Variants in WDTC1 observed in about 807,000 individuals in gnomAD.
WDTC1 encodes the protein WD and tetratricopeptide repeats 1, also known as WD and tetratricopeptide repeats protein 1.
WDTC1 carries 12 observed loss-of-function variants against 76.0 expected under a neutral mutation model. The observed-to-expected ratio is 0.16, with a 90% CI of 0.10 to 0.26. The LOEUF (loss-of-function observed/expected upper bound fraction) is 0.26. Among genes scored for constraint, WDTC1 ranks in the 10% least tolerant of loss-of-function variants. WDTC1 has a pLI of 1.00. For missense variants in WDTC1, 511 were observed against 908.8 expected (o/e 0.56, Z 5.63); for synonymous variants, 326 against 350.8 (o/e 0.93, Z 0.79).
chr1:27,274,405 G>C lies in WDTC1; in HGVS notation c.133-7834G>C, dbSNP rs2012963970. Among the ~76,000 whole-genome samples, 1 of 150,316 alleles carries C rather than the reference G, an allele frequency of 6.7e-6. No homozygotes were observed. Among genetic ancestry groups the C allele is most frequent in the Non-Finnish European group, 1.5e-5 (1 of 67,482 alleles). On this transcript the variant is annotated intron_variant, in intron 3 of 15. Coordinates refer to ENST00000319394, the MANE Select transcript of WDTC1 (RefSeq NM_001276252.2). This position sits in a 1 kb window ranked among gnomAD's most constrained non-coding sequence, Gnocchi z 4.2. ...ACTTTGGCAGTCAGGAGAATCATTT[G>C]AGGCCAGGAGTTTGAGACCAGCCTG... is the stretch of plus-strand genomic sequence containing the variant.
rs1207228456 is a variant in WDTC1, at chr1:27,283,353, T to G, written c.195T>G (p.Gly65=). Reference sequence around the variant, plus strand: ...CTGCTTTCAGCTTGCTGGCCTCTGGTTCCGATGACCAGCACACGATTGTGT... The same window carrying G: ...CTGCTTTCAGCTTGCTGGCCTCTGGGTCCGATGACCAGCACACGATTGTGT... ...WNEKGDLLAS[G]SDDQHTIVWD... Residue 65 remains glycine (G), a synonymous_variant, in exon 5 of 16, where the codon GGT becomes GGG. Transcript: ENST00000319394. 1 of 1,613,660 alleles carries G rather than the reference T, an allele frequency of 6.2e-7. No individual in the cohort carries two copies. Among genetic ancestry groups the G allele is most frequent in the Non-Finnish European group, 8.5e-7 (1 of 1,180,012 alleles).
chr1:27,268,636 C>G (rs908471905), intron 3 of WDTC1, among the ~76,000 whole-genome samples: 2 of 151,894 alleles, frequency 1.3e-5, no homozygotes, highest in African/African-American at 4.8e-5. Context: ...TCAGGCTGGT[C>G]TCGATCTCCT....
Position 27,301,556 on chromosome 1 carries a change from C to T in WDTC1, c.1468+95C>T, listed in dbSNP as rs975787815. On this transcript the variant is annotated intron_variant, in intron 13 of 15. Coordinates refer to ENST00000319394, the MANE Select transcript of WDTC1 (RefSeq NM_001276252.2). This position sits in a 1 kb window ranked among gnomAD's most constrained non-coding sequence, Gnocchi z 5.8. ...GTCATGGTTCTGGGATTGGAGAGGC[C>T]TGGGTTCAGATGTTGATTCAGAAAC... 7.2e-7 allele frequency: 1 copy of T among 1,390,340 alleles called. No homozygotes were observed. The highest frequency in any genetic ancestry group is 9.9e-7 in the Non-Finnish European group (1 of 1,014,314). 86.1% of individuals were successfully genotyped at this position (1,390,340 alleles called of 1,614,324 possible).
intron 1 of WDTC1, among the ~76,000 whole-genome samples, chr1:27,251,323 C>T (rs1179524721): frequency 6.6e-6 from 1 of 151,930 alleles, no homozygotes; most frequent in African/African-American, 2.4e-5. Context: ...CATTTTAGAG[C>T]TCCAGGAATA....
chr1:27,278,787 G>A (rs1170703281), intron 3 of WDTC1, among the ~76,000 whole-genome samples: 3 of 152,140 alleles, frequency 2.0e-5, no homozygotes, highest in Non-Finnish European at 4.4e-5. Context: ...TCCTCAGAGC[G>A]GCTTTCCCTG....
At chr1:27,255,279 G>C (rs191836998) in intron 1 of WDTC1, among the ~76,000 whole-genome samples, 460 of 152,168 alleles carry the variant, frequency 3.0e-3, no homozygotes, top group African/African-American at 0.011. Flanking sequence ...TGCTACTCTA[G>C]GAAATTACAT....
Position 27,305,478 on chromosome 1 carries a change from T to C in WDTC1, c.1836+285T>C, listed in dbSNP as rs902034302. Among the ~76,000 whole-genome samples, 5 of 152,212 alleles carry C rather than the reference T, an allele frequency of 3.3e-5. No individual in the cohort carries two copies. The highest frequency in any genetic ancestry group is 1.2e-4 in the African/African-American group (5 of 41,446). Reference sequence around the variant, plus strand: ...TCTCCTCACTCGCTGCCTGAGAGACTTCACCATCTCTGACCCAGGCTTTTA... The same window carrying C: ...TCTCCTCACTCGCTGCCTGAGAGACCTCACCATCTCTGACCCAGGCTTTTA... On this transcript the variant is annotated intron_variant, in intron 15 of 15. Coordinates refer to ENST00000319394, the MANE Select transcript of WDTC1 (RefSeq NM_001276252.2). This position sits in a 1 kb window ranked among gnomAD's most constrained non-coding sequence, Gnocchi z 4.6.
chr1:27,257,011 T>G (rs2012304725), intron 1 of WDTC1, among the ~76,000 whole-genome samples: 1 of 151,950 alleles, frequency 6.6e-6, no homozygotes, highest in Non-Finnish European at 1.5e-5. Flanking sequence ...TACAGGCGCC[T>G]GCCACCACGC....
intron 6 of WDTC1, among the ~76,000 whole-genome samples, chr1:27,291,383 A>G (rs1322460864): frequency 1.3e-5 from 2 of 152,226 alleles, no homozygotes; most frequent in Non-Finnish European, 2.9e-5. Context: ...TTTTTTGAGC[A>G]GGAGAGTGAT....
rs778371995 is a variant in WDTC1, at chr1:27,263,156, G to A, written c.53G>A (p.Arg18Gln). The change falls in exon 3 of 16, where the codon CGG becomes CAG. Residue 18 changes from arginine (R) to glutamine (Q), a missense_variant. Arg to Gln is a conservative substitution (Grantham distance 43). Transcript: ENST00000319394. ...GAATTTGTTTCTGTCCCCTAGGAGC[G>A]GGGTGCCCTGAGCTTTGAGCGGCGC... The part of the protein sequence containing the change: ...RDLIRRQIKE[R>Q]GALSFERRYH... 18 of 1,612,860 alleles carry A rather than the reference G, an allele frequency of 1.1e-5. No homozygotes were observed. Among genetic ancestry groups the A allele is most frequent in the Middle Eastern group, 1.7e-4 (1 of 5,970 alleles).
At chr1:27,269,623 T>G (rs1292068167) in intron 3 of WDTC1, among the ~76,000 whole-genome samples, 12 of 144,838 alleles carry the variant, frequency 8.3e-5, no homozygotes, top group Non-Finnish European at 1.2e-4. Flanking sequence ...TTTTTTCGGT[T>G]TTTTTTTTTT....
At chr1:27,282,183 T>C in intron 3 of WDTC1, 56 bp from the exon 4 acceptor site, 1 of 1,560,624 alleles carries the variant, frequency 6.4e-7, no homozygotes, top group Middle Eastern at 1.7e-4. Context: ...TGGTGTTGAG[T>C]TCCCCAGGAG....
At chr1:27,284,564 G>A (rs1188441582) in intron 5 of WDTC1, among the ~76,000 whole-genome samples, 1 of 152,094 alleles carries the variant, frequency 6.6e-6, no homozygotes, top group Non-Finnish European at 1.5e-5. Flanking sequence ...AACGGAAACT[G>A]CTTTCTTCCC....
rs747449413 is a variant in WDTC1, at chr1:27,306,397, G to A, written c.*14G>A. On this transcript the variant is annotated 3_prime_UTR_variant, in exon 16 of 16. Coordinates refer to ENST00000319394, the MANE Select transcript of WDTC1 (RefSeq NM_001276252.2). This position sits in a 1 kb window ranked among gnomAD's most constrained non-coding sequence, Gnocchi z 5.0. ...CGGCCCAGCTAGACCCTCCAGCCCT[G>A]GTCCCCAGCCCCTGCTACTGGCTGG... The A allele has an allele frequency of 1.2e-5, 19 of 1,607,400 alleles. No individual in the cohort carries two copies. Among genetic ancestry groups the A allele is most frequent in the Non-Finnish European group, 1.5e-5 (18 of 1,178,518 alleles).
intron 3 of WDTC1, among the ~76,000 whole-genome samples, chr1:27,267,027 C>T (rs186164023): frequency 7.4e-4 from 113 of 152,274 alleles, no homozygotes; most frequent in African/African-American, 2.3e-3. Context: ...TTAGAGGTAG[C>T]TTTCATAACC....
At chr1:27,284,705 C>G (rs780372747) in intron 5 of WDTC1, among the ~76,000 whole-genome samples, 3 of 152,070 alleles carry the variant, frequency 2.0e-5, no homozygotes, top group Non-Finnish European at 4.4e-5. Context: ...TCTTGATACT[C>G]CCTAACGGTA....
At position 27,294,740 on chromosome 1, in the gene WDTC1, A is replaced by G. The variant is rs1570982777; in HGVS notation, c.873+111A>G. 6 of 856,842 alleles carry G rather than the reference A, an allele frequency of 7.0e-6. No homozygotes were observed. The East Asian group carries it at 1.6e-4, about 23-fold the overall frequency. The allele number at this position is 856,842 out of a possible 1,614,324, so 53.1% of individuals were successfully genotyped here. ...AGACAAGACACAACAGCCTTATGGTAAATGATGTTACATTGAAATGTGGGG... is the reference window on the plus strand; with the variant it reads ...AGACAAGACACAACAGCCTTATGGTGAATGATGTTACATTGAAATGTGGGG... On this transcript the variant is annotated intron_variant, in intron 9 of 15. Coordinates refer to ENST00000319394, the MANE Select transcript of WDTC1 (RefSeq NM_001276252.2).
At chr1:27,258,494 T>C (rs1398576635) in intron 1 of WDTC1, among the ~76,000 whole-genome samples, 2 of 127,196 alleles carry the variant, frequency 1.6e-5, no homozygotes, top group African/African-American at 5.9e-5. Context: ...ATTATGCCAC[T>C]GCACTCCAGC....
intron 1 of WDTC1, among the ~76,000 whole-genome samples, chr1:27,237,419 C>T (rs943291128): frequency 6.6e-6 from 1 of 152,176 alleles, no homozygotes; most frequent in African/African-American, 2.4e-5. Context: ...TTCCTTTCTT[C>T]TTTCCACCTC....
Sources: allele counts gnomAD v4.1 joint callset (sites outside exome capture counted in the v4.1 genomes callset), GRCh38; gene constraint gnomAD v4.1.1; non-coding constraint Gnocchi (gnomAD v3.1); transcripts MANE v1.5; gene names NCBI Gene and HGNC (gene_info 2026-07-23, HGNC 2026-07-21).